Variants in TMEM183A observed in about 807,000 individuals in gnomAD.
TMEM183A encodes the protein chromosome 1 open reading frame 37.
In TMEM183A, 21 loss-of-function variants were observed where a neutral mutation model predicts 46.7. That is an observed-to-expected ratio of 0.45 (90% CI 0.32 to 0.65). The LOEUF (loss-of-function observed/expected upper bound fraction) is 0.65. Among genes scored for constraint, TMEM183A ranks in the 30% least tolerant of loss-of-function variants. The pLI is 0.04. For synonymous variants in TMEM183A, 165 were observed against 180.2 expected (o/e 0.92, Z 0.68); for missense variants, 331 against 481.9 (o/e 0.69, Z 2.93).
chr1:203,010,642 A>G (rs1656481806), intron 3 of TMEM183A, among the ~76,000 whole-genome samples: 1 of 152,198 alleles, frequency 6.6e-6, no homozygotes, highest in Non-Finnish European at 1.5e-5. Flanking sequence ...TCACCATTCT[A>G]TTAGGGATTT....
At chr1:203,021,951 A>G (rs1327999516) in intron 7 of TMEM183A, among the ~76,000 whole-genome samples, 2 of 152,198 alleles carry the variant, frequency 1.3e-5, no homozygotes, top group African/African-American at 4.8e-5. Flanking sequence ...GACTTCCACT[A>G]TCCTGTAACT....
At chr1:203,008,958 T>G in intron 3 of TMEM183A, 148 bp downstream of exon 3, 19 of 729,648 alleles carry the variant, frequency 2.6e-5, no homozygotes, top group Middle Eastern at 4.3e-4. Flanking sequence ...ACCTTGGTAG[T>G]GGGCCGGGAT....
chr1:203,019,423 T>C (rs189154825), intron 6 of TMEM183A, among the ~76,000 whole-genome samples: 1 of 152,206 alleles, frequency 6.6e-6, no homozygotes, highest in South Asian at 2.1e-4. Context: ...GAATGTGCTA[T>C]GGATAAGATG....
rs1390135444 is a variant in TMEM183A, at chr1:203,023,732, G to T, written c.*692G>T. The T allele has an allele frequency of 6.6e-6, 1 of 152,452 alleles. No homozygotes were observed. Among genetic ancestry groups the T allele is most frequent in the Non-Finnish European group, 1.5e-5 (1 of 68,034 alleles). The allele number at this position is 152,452 out of a possible 1,614,324, so 9.4% of individuals were successfully genotyped here. On this transcript the variant is annotated 3_prime_UTR_variant, in exon 8 of 8. Coordinates refer to ENST00000367242, the MANE Select transcript of TMEM183A (RefSeq NM_138391.6). ...CTTCTCACAGTCTTGCAAAGTAGGT[G>T]ATATTATTCCCATTTTATAGTTGAG...
At position 203,024,170 on chromosome 1, in the gene TMEM183A, G is replaced by C. The variant is rs1571630853; in HGVS notation, c.*1130G>C. The C allele has an allele frequency of 6.6e-6, 1 of 152,288 alleles. No homozygotes were observed. Among genetic ancestry groups the C allele is most frequent in the South Asian group, 2.1e-4 (1 of 4,818 alleles). 9.4% of individuals were successfully genotyped at this position (152,288 alleles called of 1,614,324 possible). On this transcript the variant is annotated 3_prime_UTR_variant, in exon 8 of 8. Transcript: ENST00000367242. The stretch of plus-strand genomic sequence containing the variant: ...TGAACCATAAGCACTTAGCGACTTT[G>C]CTCTGCCCTGTACTGTGCTGCTTCT...
rs1657005900 is a variant in TMEM183A, at chr1:203,014,828, A to G, written c.368-61A>G. 4 of 1,588,072 alleles carry G rather than the reference A, an allele frequency of 2.5e-6. No homozygotes were observed. The South Asian group carries it at 4.6e-5, about 18-fold the overall frequency. ...GCAATCAATCCTTGGGAGAAATGAA[A>G]TTATCGAGTATCTTTAGATATGGTG... is the stretch of plus-strand genomic sequence containing the variant. On this transcript the variant is annotated intron_variant, in intron 3 of 7. Coordinates refer to ENST00000367242, the MANE Select transcript of TMEM183A (RefSeq NM_138391.6).
chr1:203,010,911 T>TA (rs1656511556), intron 3 of TMEM183A, among the ~76,000 whole-genome samples: 1 of 152,264 alleles, frequency 6.6e-6, no homozygotes, highest in African/African-American at 2.4e-5. Flanking sequence ...TCTACAGACT[T>TA]ACCTATTCTG....
At chr1:203,009,449 A>C (rs1452294919) in intron 3 of TMEM183A, among the ~76,000 whole-genome samples, 1 of 152,156 alleles carries the variant, frequency 6.6e-6, no homozygotes, top group African/African-American at 2.4e-5. Flanking sequence ...AGACTTAATG[A>C]GTCAGAATCT....
intron 7 of TMEM183A, 131 bp downstream of exon 7, chr1:203,021,079 T>C: frequency 9.6e-7 from 1 of 1,037,318 alleles, no homozygotes; most frequent in Non-Finnish European, 1.3e-6. Flanking sequence ...TCACTCAGGC[T>C]GAAGTGCAGT....
In TMEM183A at chr1:203,007,555, C is replaced by A. The variant is rs768533828; in HGVS notation, c.90C>A (p.His30Gln). 1.6e-5 allele frequency: 25 copies of A among 1,547,768 alleles called. No individual in the cohort carries two copies. The South Asian group carries it at 2.9e-4, about 18-fold the overall frequency. Residue 30 changes from histidine to glutamine, a missense_variant, in exon 1 of 8, where the codon CAC (histidine) becomes CAA (glutamine). Transcript: ENST00000367242. ...GAAAGCGACTCAAGTTCCGGGCCCA[C>A]GACGCCTGCTCCGGCCGAGGTGGGC... ...KRGKRLKFRAHDACSGRVTVA... is the reference protein window; with the variant it reads ...KRGKRLKFRAQDACSGRVTVA...
chr1:203,015,085 G>T lies in TMEM183A; in HGVS notation c.527+37G>T, dbSNP rs1031248797. 3 of 1,603,744 alleles carry T rather than the reference G, an allele frequency of 1.9e-6. No homozygotes were observed. The African/African-American group carries it at 4.0e-5, about 21-fold the overall frequency. Reference sequence around the variant, plus strand: ...GAGAGCTCACTCTTTTATCTGTGTGGCTGATTTCATTACTGTTTGTGATTT... The same window carrying T: ...GAGAGCTCACTCTTTTATCTGTGTGTCTGATTTCATTACTGTTTGTGATTT... On this transcript the variant is annotated intron_variant, in intron 4 of 7. Transcript: ENST00000367242.
At chr1:203,014,489 G>A (rs1656975847) in intron 3 of TMEM183A, among the ~76,000 whole-genome samples, 1 of 152,146 alleles carries the variant, frequency 6.6e-6, no homozygotes, top group Non-Finnish European at 1.5e-5. Context: ...TGTAGTCCTA[G>A]CTACTCTGGT....
chr1:203,010,543 C>T (rs1267689330), intron 3 of TMEM183A, among the ~76,000 whole-genome samples: 7 of 152,182 alleles, frequency 4.6e-5, no homozygotes. Flanking sequence ...CACCACTGGT[C>T]CTGAGCATTT....
intron 6 of TMEM183A, among the ~76,000 whole-genome samples, chr1:203,020,428 C>T (rs1000701825): frequency 1.3e-4 from 20 of 152,168 alleles, no homozygotes; most frequent in African/African-American, 4.8e-4. Flanking sequence ...TAGGTGGCCA[C>T]TTCTGCTTCC....
intron 7 of TMEM183A, among the ~76,000 whole-genome samples, chr1:203,022,323 C>A (rs930394232): frequency 6.6e-6 from 1 of 152,084 alleles, no homozygotes; most frequent in African/African-American, 2.4e-5. Context: ...CTTAGCCTCC[C>A]AAAGTGCTCA....
chr1:203,010,970 C>T (rs560116689), intron 3 of TMEM183A, among the ~76,000 whole-genome samples: 1 of 152,292 alleles, frequency 6.6e-6, no homozygotes, highest in African/African-American at 2.4e-5. Flanking sequence ...TTGCATGTAG[C>T]TTCTTTCATT....
intron 3 of TMEM183A, 89 bp from the exon 4 acceptor site, chr1:203,014,800 T>C (rs777616310): frequency 9.8e-6 from 15 of 1,528,130 alleles, no homozygotes; most frequent in Non-Finnish European, 1.3e-5. Context: ...TTTTCTTAAC[T>C]GTGCAATCAA....
intron 3 of TMEM183A, among the ~76,000 whole-genome samples, chr1:203,014,033 G>A (rs931988573): frequency 2.0e-5 from 3 of 152,126 alleles, no homozygotes; most frequent in African/African-American, 7.2e-5. Context: ...GATTACAGGC[G>A]TGAGCCACTA....
intron 5 of TMEM183A, chr1:203,017,838 A>T: frequency 1.0e-6 from 1 of 985,864 alleles, no homozygotes; most frequent in Non-Finnish European, 1.2e-6. Context: ...ATTAATTTTG[A>T]TGGAACAGCA....
Sources: allele counts gnomAD v4.1 joint callset (sites outside exome capture counted in the v4.1 genomes callset), GRCh38; gene constraint gnomAD v4.1.1; transcripts MANE v1.5; gene names NCBI Gene and HGNC (gene_info 2026-07-23, HGNC 2026-07-21).